The following ACOT11 variants were observed in gnomAD, a reference collection of about 807,000 sequenced individuals.
ACOT11 encodes the protein acyl-CoA thioesterase 11, also known as acyl-coenzyme A thioesterase 11.
ACOT11 carries 69 observed loss-of-function variants against 77.5 expected under a neutral mutation model. The observed-to-expected ratio is 0.89, with a 90% CI of 0.73 to 1.09. ACOT11 has a LOEUF of 1.09. Among genes scored for constraint, ACOT11 ranks in the 50% least tolerant of loss-of-function variants. The pLI is 0.00. For missense variants in ACOT11, 766 were observed against 813.7 expected (o/e 0.94, Z 0.71); for synonymous variants, 279 against 313.0 (o/e 0.89, Z 1.15).
chr1:54,602,607 A>G, intron 9 of ACOT11, 62 bp from the exon 10 acceptor site: 6 of 1,388,030 alleles, frequency 4.3e-6, no homozygotes, highest in South Asian at 3.3e-5. Context: ...GCCCTGGGGG[A>G]TGGAGAGGGG....
Sources: allele counts gnomAD v4.1 joint callset, GRCh38; gene constraint gnomAD v4.1.1; transcripts MANE v1.5; gene names NCBI Gene and HGNC (gene_info 2026-07-23, HGNC 2026-07-21).